The following XKR9 variants were observed in gnomAD, a reference collection of about 807,000 sequenced individuals.
The protein encoded by XKR9 is XK-related protein 9.
Under a neutral mutation model 32.0 loss-of-function variants are expected in XKR9, and 32 were observed. The observed-to-expected ratio is 1.00, with a 90% CI of 0.76 to 1.34. The LOEUF (loss-of-function observed/expected upper bound fraction) is 1.34, where lower values mean the gene tolerates loss of function less well. Among genes scored for constraint, XKR9 ranks in the 40% most tolerant of loss-of-function variants. The pLI is 0.00. For missense variants in XKR9, 546 were observed against 429.7 expected, an observed-to-expected ratio of 1.27 and a Z score of -2.39; for synonymous variants, 168 against 143.4, an observed-to-expected ratio of 1.17 and a Z score of -1.22.
At chr8:70,751,010 T>C (rs1040068105) in intron 2 of XKR9, among the ~76,000 whole-genome samples, 9 of 152,192 alleles carry the variant, frequency 5.9e-5, no homozygotes, top group Non-Finnish European at 7.3e-5. Flanking sequence ...AGATGACTTA[T>C]CTACCTCAAG....
the XKR9 span, among the ~76,000 whole-genome samples, chr8:70,905,640 T>C: frequency 1.3e-5 from 2 of 152,198 alleles, no homozygotes; most frequent in African/African-American, 2.4e-5. Context: ...TCAAAGTCAT[T>C]CTCCCTCCAG....
At chr8:70,940,996 A>G in the XKR9 span, among the ~76,000 whole-genome samples, 5 of 152,116 alleles carry the variant, frequency 3.3e-5, no homozygotes, top group African/African-American at 9.7e-5. Context: ...AAGTCCACAT[A>G]ACATAAAATT....
the XKR9 span, among the ~76,000 whole-genome samples, chr8:71,038,582 T>C: frequency 6.6e-6 from 1 of 151,742 alleles, no homozygotes; most frequent in African/African-American, 2.4e-5. Flanking sequence ...CATCCAAAAG[T>C]GCTGGGATTA....
the XKR9 span, among the ~76,000 whole-genome samples, chr8:71,016,137 T>C: frequency 1.3e-5 from 2 of 152,102 alleles, no homozygotes; most frequent in African/African-American, 2.4e-5. Context: ...AAGGAAAAAA[T>C]ATAATAGCAA....
intron 3 of XKR9, among the ~76,000 whole-genome samples, chr8:70,692,359 CA>C (rs2132135743): frequency 6.6e-6 from 1 of 152,046 alleles, no homozygotes; most frequent in Admixed American, 6.5e-5. Flanking sequence ...ATGTCATCTG[CA>C]AACAGAGATA....
At chr8:70,791,531 T>A (rs1205759427), downstream of XKR9, among the ~76,000 whole-genome samples, 1 of 152,094 alleles carries the variant, frequency 6.6e-6, no homozygotes, top group Admixed American at 6.6e-5. Context: ...TGTTATATTG[T>A]GGGAGTGGGT....
chr8:71,021,499 T>A, the XKR9 span, among the ~76,000 whole-genome samples: 1 of 44,138 alleles, frequency 2.3e-5, no homozygotes, highest in Non-Finnish European at 7.4e-5. Flanking sequence ...TGATGGTTTC[T>A]TTTTTTTTTT....
the XKR9 span, among the ~76,000 whole-genome samples, chr8:70,938,918 A>G: frequency 2.6e-5 from 4 of 151,244 alleles, no homozygotes; most frequent in Non-Finnish European, 5.9e-5. Flanking sequence ...TGAGGATCCC[A>G]TCTGGCCTCC....
the XKR9 span, among the ~76,000 whole-genome samples, chr8:71,042,065 G>A: frequency 6.6e-6 from 1 of 152,122 alleles, no homozygotes; most frequent in East Asian, 1.9e-4. Flanking sequence ...CAGAGAGAGT[G>A]TGGGACCACG....
At chr8:70,731,642 C>T (rs1806670347) in intron 4 of XKR9, among the ~76,000 whole-genome samples, 1 of 152,138 alleles carries the variant, frequency 6.6e-6, no homozygotes, top group South Asian at 2.1e-4. Context: ...CTCTTGGTCC[C>T]CTGTTGTCTT....
intron 2 of XKR9, among the ~76,000 whole-genome samples, chr8:70,748,355 G>T (rs1488948717): frequency 6.6e-6 from 1 of 152,254 alleles, no homozygotes; most frequent in Admixed American, 6.5e-5. Flanking sequence ...CCCCCCACAG[G>T]CTTGGAAGTG....
downstream of XKR9, among the ~76,000 whole-genome samples, chr8:70,740,132 C>G (rs1247362676): frequency 6.6e-6 from 1 of 152,192 alleles, no homozygotes; most frequent in Admixed American, 6.5e-5. Flanking sequence ...GGTCTTTTCA[C>G]ATAGTCCCAT....
the XKR9 span, among the ~76,000 whole-genome samples, chr8:71,004,809 A>G: frequency 6.6e-6 from 1 of 151,918 alleles, no homozygotes; most frequent in South Asian, 2.1e-4. Flanking sequence ...TCATGGGGAA[A>G]TCTCTCACTT....
At chr8:70,797,072 G>T in the XKR9 span, among the ~76,000 whole-genome samples, 1 of 152,216 alleles carries the variant, frequency 6.6e-6, no homozygotes, top group Non-Finnish European at 1.5e-5. Flanking sequence ...GGATTTTTAG[G>T]AGACCTCTGT....
At chr8:70,731,934 C>A (rs1168019620) in intron 4 of XKR9, among the ~76,000 whole-genome samples, 1 of 152,186 alleles carries the variant, frequency 6.6e-6, no homozygotes, top group Non-Finnish European at 1.5e-5. Context: ...CCAAGAGTAT[C>A]TCTTCTAAAC....
At chr8:70,804,688 A>T in the XKR9 span, among the ~76,000 whole-genome samples, 1 of 152,216 alleles carries the variant, frequency 6.6e-6, no homozygotes, top group African/African-American at 2.4e-5. Context: ...GTTTTTGTGT[A>T]GTTTTAAATC....
At chr8:70,717,044 T>C (rs1191372815) in intron 4 of XKR9, among the ~76,000 whole-genome samples, 1 of 152,232 alleles carries the variant, frequency 6.6e-6, no homozygotes, top group Non-Finnish European at 1.5e-5. Flanking sequence ...CTCCTTTGAC[T>C]TCATGTCTCA....
the XKR9 span, among the ~76,000 whole-genome samples, chr8:70,897,275 C>G: frequency 2.0e-5 from 3 of 152,058 alleles, no homozygotes; most frequent in Non-Finnish European, 4.4e-5. Context: ...TTTCTTTATC[C>G]ATTTATCTGT....
chr8:70,898,093 G>C, the XKR9 span, among the ~76,000 whole-genome samples: 1 of 152,102 alleles, frequency 6.6e-6, no homozygotes, highest in Non-Finnish European at 1.5e-5. Context: ...TTTGTATATG[G>C]TGAGGGATAG....
Sources: allele counts gnomAD v4.1 joint callset (sites outside exome capture counted in the v4.1 genomes callset), GRCh38; gene constraint gnomAD v4.1.1; transcripts MANE v1.5; gene names NCBI Gene and HGNC (gene_info 2026-07-23, HGNC 2026-07-21).